MTMR1: variants seen among roughly 807,000 people sequenced by gnomAD.
MTMR1 encodes the protein myotubularin related protein 1, also known as phosphatidylinositol-3-phosphate phosphatase MTMR1.
MTMR1 carries 17 observed loss-of-function variants against 51.6 expected under a neutral mutation model. The observed-to-expected ratio is 0.33, with a 90% CI of 0.23 to 0.49. MTMR1 has a LOEUF of 0.49. MTMR1 is among the 20% of genes least tolerant of loss of function. The pLI is 0.99. For missense variants in MTMR1, 386 were observed against 526.9 expected (o/e 0.73, Z 2.62); for synonymous variants, 201 against 205.6 (o/e 0.98, Z 0.19).
chrX:150,762,591 G>A lies in MTMR1; in HGVS notation c.1884G>A (p.Glu628=), dbSNP rs1557418073. Residue 628 remains glutamate (E), a synonymous_variant, in exon 16 of 16, where the codon GAG becomes GAA. Transcript: ENST00000445323. ...TGCCCATTCACCAGAATCTCAAGGA[G>A]CTGCTGGCCGTCAGGGCGGAGCTGC... The part of the protein sequence containing the change: ...PQMPIHQNLK[E]LLAVRAELQK... 6.6e-6 allele frequency: 8 copies of A among 1,210,778 alleles called. No individual in the cohort carries two copies. In the African/African-American group the frequency reaches 8.7e-5, roughly 13 times the overall value.
rs369275548 is a variant in MTMR1 at position 150,724,243 on chromosome X, AT to A, written c.353-2960del. On this transcript the variant is annotated intron_variant, in intron 4 of 15. Coordinates refer to ENST00000445323, the MANE Select transcript of MTMR1 (RefSeq NM_001306144.3). ...TTTCTCTGCAACCTCATCATCTCTT[AT>A]TTTTTTTTTTTACTTTTTAATATGA... 8.1e-3 allele frequency among the ~76,000 whole-genome samples: 797 copies of A among 98,902 alleles called. 7 individuals carry two copies. The highest frequency in any genetic ancestry group is 0.024 in the African/African-American group (663 of 27,324). The allele number at this position is 98,902 out of a possible 115,157, so 85.9% of individuals were successfully genotyped here. A position where few individuals can be genotyped will look rare whatever the true frequency, so the allele number is the denominator to read the frequency against.
chrX:150,694,900 C>T (rs1255750965), intron 1 of MTMR1, among the ~76,000 whole-genome samples: 2 of 112,007 alleles, frequency 1.8e-5, no homozygotes, highest in South Asian at 3.7e-4. Flanking sequence ...GTGGTAGAGG[C>T]GAACACAGAA....
chrX:150,731,821 C>T (rs1349489157), intron 9 of MTMR1, among the ~76,000 whole-genome samples: 3 of 111,858 alleles, frequency 2.7e-5, no homozygotes, highest in African/African-American at 9.8e-5. Flanking sequence ...TTTACGATTT[C>T]CTATAACTAA....
intron 4 of MTMR1, among the ~76,000 whole-genome samples, chrX:150,719,190 G>A (rs939350249): frequency 5.4e-5 from 6 of 111,488 alleles, no homozygotes; most frequent in Non-Finnish European, 7.5e-5. Flanking sequence ...ATCCCTCCAT[G>A]GTGTACTGCC....
chrX:150,741,459 C>T (rs782202303), intron 12 of MTMR1, among the ~76,000 whole-genome samples: 66 of 112,315 alleles, frequency 5.9e-4, no homozygotes, highest in Non-Finnish European at 1.1e-3. Context: ...ACTGTCCCTC[C>T]CTGTTCCTTC....
intron 4 of MTMR1, among the ~76,000 whole-genome samples, chrX:150,724,439 TTGTG>T (rs1385713710): frequency 2.7e-5 from 3 of 111,520 alleles, no homozygotes; most frequent in African/African-American, 9.8e-5. Flanking sequence ...ATGGGGTTGT[TTGTG>T]TTTTTTCTTG....
chrX:150,738,410 T>C (rs2042337118), intron 12 of MTMR1, among the ~76,000 whole-genome samples: 1 of 112,404 alleles, frequency 8.9e-6, no homozygotes, highest in African/African-American at 3.2e-5. Flanking sequence ...GTTCCCACCT[T>C]TGCTATTGTG....
intron 3 of MTMR1, among the ~76,000 whole-genome samples, chrX:150,714,834 G>C (rs956153963): frequency 2.7e-5 from 3 of 111,838 alleles, no homozygotes; most frequent in Non-Finnish European, 5.6e-5. Context: ...ACATAGAGGG[G>C]ACAGATACAT....
chrX:150,717,512 G>A (rs2041580822), intron 3 of MTMR1, among the ~76,000 whole-genome samples: 1 of 110,488 alleles, frequency 9.1e-6, no homozygotes, highest in Non-Finnish European at 1.9e-5. Flanking sequence ...TACAGCTTTG[G>A]AATTGCTGGG....
intron 13 of MTMR1, among the ~76,000 whole-genome samples, chrX:150,747,014 T>A (rs1260315763): frequency 8.9e-6 from 1 of 112,066 alleles, no homozygotes; most frequent in Non-Finnish European, 1.9e-5. Context: ...AACTAGTCTG[T>A]ATGTGAACAA....
At chrX:150,700,962 G>A (rs1265366290) in intron 2 of MTMR1, among the ~76,000 whole-genome samples, 2 of 112,345 alleles carry the variant, frequency 1.8e-5, no homozygotes, top group Non-Finnish European at 1.9e-5. Context: ...TACAAATTTT[G>A]TGTAGCTGAA....
intron 13 of MTMR1, among the ~76,000 whole-genome samples, chrX:150,749,519 C>A (rs2042667680): frequency 9.0e-6 from 1 of 111,699 alleles, no homozygotes; most frequent in Non-Finnish European, 1.9e-5. Context: ...TCAGCACATG[C>A]CTGCTGTTAG....
chrX:150,762,919 T>A lies in MTMR1; in HGVS notation c.*190T>A. On this transcript the variant is annotated 3_prime_UTR_variant, in exon 16 of 16. Transcript: ENST00000445323. ...TGTCAGCGGTTTCACAGGGGAGCCG[T>A]CTGTCACGCCCACCCTGTGAAGCAA... The A allele has an allele frequency of 2.2e-6, 1 of 444,525 alleles. No homozygotes were observed. The highest frequency in any genetic ancestry group is 3.5e-6 in the Non-Finnish European group (1 of 286,278). 36.6% of individuals were successfully genotyped at this position (444,525 alleles called of 1,213,427 possible).
intron 12 of MTMR1, 97 bp downstream of exon 12, chrX:150,737,545 C>A: frequency 1.5e-6 from 1 of 667,072 alleles, no homozygotes; most frequent in Non-Finnish European, 2.3e-6. Context: ...TATACACACA[C>A]ACGTGCAGGC....
chrX:150,695,059 C>G (rs782538638), intron 1 of MTMR1, among the ~76,000 whole-genome samples: 8 of 112,022 alleles, frequency 7.1e-5, no homozygotes, highest in African/African-American at 2.6e-4. Flanking sequence ...AGTAATGCCC[C>G]CAAAGAGGCG....
Position 150,762,804 on chromosome X carries a change from G to A in MTMR1, c.*75G>A. ...GGACCTGGCGATCACTGTTATGGCTGTAGCTTGTGATCTTGTCTTTTAGGA... is the reference window on the plus strand; with the variant it reads ...GGACCTGGCGATCACTGTTATGGCTATAGCTTGTGATCTTGTCTTTTAGGA... On this transcript the variant is annotated 3_prime_UTR_variant, in exon 16 of 16. Transcript: ENST00000445323. 2 of 1,043,910 alleles carry A rather than the reference G, an allele frequency of 1.9e-6. No homozygotes were observed. Among genetic ancestry groups the A allele is most frequent in the Non-Finnish European group, 1.3e-6 (1 of 792,987 alleles). The allele number at this position is 1,043,910 out of a possible 1,213,427, so 86.0% of individuals were successfully genotyped here.
At chrX:150,761,829 G>C (rs1370218241) in intron 15 of MTMR1, among the ~76,000 whole-genome samples, 1 of 112,525 alleles carries the variant, frequency 8.9e-6, no homozygotes, top group South Asian at 3.7e-4. Context: ...GAGTGGGTTG[G>C]GTGCTATGAC....
intron 4 of MTMR1, among the ~76,000 whole-genome samples, chrX:150,722,555 T>C (rs781936890): frequency 2.7e-5 from 3 of 111,746 alleles, no homozygotes; most frequent in African/African-American, 9.7e-5. Flanking sequence ...TTTTAAAAAA[T>C]TTTACTAACA....
intron 10 of MTMR1, among the ~76,000 whole-genome samples, chrX:150,735,040 A>G (rs1347404029): frequency 8.9e-6 from 1 of 112,288 alleles, no homozygotes; most frequent in African/African-American, 3.2e-5. Flanking sequence ...AGGCACACAC[A>G]GAAGGAAGAT....
Sources: allele counts gnomAD v4.1 joint callset (sites outside exome capture counted in the v4.1 genomes callset), GRCh38; gene constraint gnomAD v4.1.1; transcripts MANE v1.5; gene names NCBI Gene and HGNC (gene_info 2026-07-23, HGNC 2026-07-21).